The following BMP1 variants were observed in gnomAD, a reference collection of about 807,000 sequenced individuals.
BMP1 encodes bone morphogenetic protein 1.
BMP1 carries 63 observed loss-of-function variants against 116.8 expected under a neutral mutation model. The observed-to-expected ratio is 0.54, with a 90% CI of 0.44 to 0.67. BMP1 has a LOEUF of 0.67. Among genes scored for constraint, BMP1 ranks in the 30% least tolerant of loss-of-function variants. BMP1 has a pLI of 0.00. For missense variants in BMP1, 1,183 were observed against 1,358.9 expected, an observed-to-expected ratio of 0.87 and a Z score of 2.04; for synonymous variants, 536 against 533.4, an observed-to-expected ratio of 1.00 and a Z score of -0.07.
chr8:22,211,844 C>A lies in BMP1; in HGVS notation c.*116C>A. 6.7e-7 allele frequency: 1 copy of A among 1,497,304 alleles called. No homozygotes were observed. Among genetic ancestry groups the A allele is most frequent in the Non-Finnish European group, 9.1e-7 (1 of 1,096,916 alleles). The allele number at this position is 1,497,304 out of a possible 1,614,324, so 92.8% of individuals were successfully genotyped here. A position where few individuals can be genotyped will look rare whatever the true frequency, so the allele number is the denominator to read the frequency against. ...CCTCTCCCCCAGGCCCCAGGACCTGCAGGGCCAATGGCCTGGTGAGACTGT... is the reference window on the plus strand; with the variant it reads ...CCTCTCCCCCAGGCCCCAGGACCTGAAGGGCCAATGGCCTGGTGAGACTGT... On this transcript the variant is annotated 3_prime_UTR_variant, in exon 20 of 20. Coordinates refer to ENST00000306385, the MANE Select transcript of BMP1 (RefSeq NM_006129.5).
Position 22,179,074 on chromosome 8 carries a change from G to A in BMP1, c.837-631G>A, listed in dbSNP as rs1371443882. On this transcript the variant is annotated intron_variant, in intron 6 of 19. Coordinates refer to ENST00000306385, the MANE Select transcript of BMP1 (RefSeq NM_006129.5). The surrounding 1 kb of genome is among the most constrained non-coding windows in gnomAD (Gnocchi z 4.6). ...GTCAGGGGCCCTGGGGAGGTGGAGG[G>A]CTGCCTGCCTCCCCTTCACTCTGCT... is the stretch of plus-strand genomic sequence containing the variant. Among the ~76,000 whole-genome samples the A allele has an allele frequency of 6.6e-6, 1 of 152,180 alleles. No homozygotes were observed. The highest frequency in any genetic ancestry group is 1.5e-5 in the Non-Finnish European group (1 of 68,012).
intron 8 of BMP1, among the ~76,000 whole-genome samples, chr8:22,185,715 G>A (rs1037016606): frequency 2.0e-5 from 3 of 151,456 alleles, no homozygotes; most frequent in African/African-American, 4.8e-5. Flanking sequence ...TCTGCCCCCC[G>A]AGTTCAAGCA....
intron 8 of BMP1, among the ~76,000 whole-genome samples, chr8:22,191,277 T>G (rs12114940): frequency 0.39 from 59,280 of 151,942 alleles, 12,278 homozygotes; most frequent in East Asian, 0.64. Context: ...CAGCAGGAAA[T>G]GCAGAGTGGA....
At chr8:22,181,264 C>A (rs1190825602) in intron 8 of BMP1, among the ~76,000 whole-genome samples, 2 of 152,188 alleles carry the variant, frequency 1.3e-5, no homozygotes, top group African/African-American at 2.4e-5. Flanking sequence ...TGGGGAAGTA[C>A]CCAGTTCTCA....
At chr8:22,197,484 C>A in intron 15 of BMP1, 64 bp downstream of exon 15, 2 of 1,536,946 alleles carry the variant, frequency 1.3e-6, no homozygotes, top group South Asian at 1.2e-5. Context: ...CCCTTTCTCC[C>A]TGCCCCTGCA....
intron 15 of BMP1, chr8:22,201,163 T>A: frequency 6.3e-7 from 1 of 1,592,372 alleles, no homozygotes; most frequent in African/African-American, 1.4e-5. Flanking sequence ...CCCCACCAGC[T>A]CAAATTCCGA....
At chr8:22,201,508 T>G in intron 15 of BMP1, 1 of 1,400,676 alleles carries the variant, frequency 7.1e-7, no homozygotes, top group African/African-American at 1.5e-5. Flanking sequence ...TGTCTATTTT[T>G]CCACTTGTCC....
chr8:22,193,425 T>C (rs575682031), intron 9 of BMP1, among the ~76,000 whole-genome samples: 1 of 152,316 alleles, frequency 6.6e-6, no homozygotes, highest in East Asian at 1.9e-4. Context: ...TAAGAAAAGG[T>C]AAATAATGAT....
At chr8:22,190,369 A>C (rs1230854720) in intron 8 of BMP1, among the ~76,000 whole-genome samples, 1 of 152,246 alleles carries the variant, frequency 6.6e-6, no homozygotes, top group East Asian at 1.9e-4. Flanking sequence ...TGTGGAGCTA[A>C]GCTGGGTAAG....
At chr8:22,209,354 T>C in intron 18 of BMP1, 91 bp from the exon 19 acceptor site, 1 of 1,542,408 alleles carries the variant, frequency 6.5e-7, no homozygotes, top group Non-Finnish European at 8.7e-7. Flanking sequence ...CAGGCCTCCA[T>C]CCTGCCGTGA....
chr8:22,176,355 G>A (rs745980584), intron 3 of BMP1, 42 bp downstream of exon 3: 14 of 1,566,306 alleles, frequency 8.9e-6, no homozygotes, highest in Non-Finnish European at 1.2e-5. Flanking sequence ...ACCAGCTTCC[G>A]GGCCTGGCCT....
Position 22,179,651 on chromosome 8 carries a change from T to A in BMP1, c.837-54T>A. 1 of 1,608,388 alleles carries A rather than the reference T, an allele frequency of 6.2e-7. No homozygotes were observed. The highest frequency in any genetic ancestry group is 1.7e-4 in the Middle Eastern group (1 of 5,992). Reference sequence around the variant, plus strand: ...GGGTACAGATGGGCATGCCACCCACTCCCTGCCCACTGTCCATGAGACGCT... The same window carrying A: ...GGGTACAGATGGGCATGCCACCCACACCCTGCCCACTGTCCATGAGACGCT... On this transcript the variant is annotated intron_variant, in intron 6 of 19. Coordinates refer to ENST00000306385, the MANE Select transcript of BMP1 (RefSeq NM_006129.5). The surrounding 1 kb of genome is among the most constrained non-coding windows in gnomAD (Gnocchi z 4.6).
chr8:22,199,470 G>A (rs1829196197), intron 15 of BMP1: 25 of 1,175,092 alleles, frequency 2.1e-5, no homozygotes, highest in Middle Eastern at 3.9e-4. Flanking sequence ...GCTCCCAGGT[G>A]AGGCTGCCCA....
chr8:22,201,745 G>A (rs1829267456), intron 15 of BMP1, 58 bp from the exon 16 acceptor site: 2 of 1,602,390 alleles, frequency 1.2e-6, no homozygotes, highest in South Asian at 1.1e-5. Context: ...TTCCCCTGGG[G>A]CATCCCAACC....
intron 17 of BMP1, 111 bp downstream of exon 17, chr8:22,207,092 G>C: frequency 6.6e-7 from 1 of 1,521,956 alleles, no homozygotes. Flanking sequence ...ATCCCCAGGA[G>C]ACCCCAAGTC....
Position 22,177,943 on chromosome 8 carries a change from G to C in BMP1, c.822G>C (p.Arg274=). 6.2e-7 allele frequency: 1 copy of C among 1,610,920 alleles called. No individual in the cohort carries two copies. Among genetic ancestry groups the C allele is most frequent in the Non-Finnish European group, 8.5e-7 (1 of 1,177,574 alleles). ...YDFDSIMHYA[R]NTFSRGIFLD... ...TCGACAGCATCATGCATTACGCTCG[G>C]AACACATTCTCCAGGTGGGAGACGG... is the stretch of plus-strand genomic sequence containing the variant. The change falls in exon 6 of 20, where the codon CGG becomes CGC. Residue 274 remains arginine (R), a synonymous_variant. Coordinates refer to ENST00000306385, the MANE Select transcript of BMP1 (RefSeq NM_006129.5).
chr8:22,205,231 C>T lies in BMP1; in HGVS notation c.2234-1623C>T, dbSNP rs115112322. On this transcript the variant is annotated intron_variant, in intron 16 of 19. Coordinates refer to ENST00000306385, the MANE Select transcript of BMP1 (RefSeq NM_006129.5). The stretch of plus-strand genomic sequence containing the variant: ...TGAGGAGGGGGCTGGATGTTTGCAG[C>T]AGTTACTAAGGAGGTGAGAGATGGA... 2.4e-3 allele frequency among the ~76,000 whole-genome samples: 360 copies of T among 152,218 alleles called. 1 individual carries two copies. Among genetic ancestry groups the T allele is most frequent in the African/African-American group, 8.1e-3 (338 of 41,538 alleles).
intron 8 of BMP1, among the ~76,000 whole-genome samples, chr8:22,190,757 A>C (rs117798111): frequency 6.6e-6 from 1 of 152,094 alleles, no homozygotes; most frequent in South Asian, 2.1e-4. Flanking sequence ...GCCAGTGCCC[A>C]CCTTGGAATC....
Position 22,179,965 on chromosome 8 carries a change from G to A in BMP1, c.961+136G>A. On this transcript the variant is annotated intron_variant, in intron 7 of 19. Transcript: ENST00000306385. This position sits in a 1 kb window ranked among gnomAD's most constrained non-coding sequence, Gnocchi z 4.6. ...GTGTGGCGGGGGAGGGGACCCCATAGGAGGGGCAGTGTCCAAGTGAAGGAG... is the reference window on the plus strand; with the variant it reads ...GTGTGGCGGGGGAGGGGACCCCATAAGAGGGGCAGTGTCCAAGTGAAGGAG... 1 of 1,033,816 alleles carries A rather than the reference G, an allele frequency of 9.7e-7. No homozygotes were observed. Among genetic ancestry groups the A allele is most frequent in the Non-Finnish European group, 1.4e-6 (1 of 727,340 alleles). The allele number at this position is 1,033,816 out of a possible 1,614,324, so 64.0% of individuals were successfully genotyped here.
Sources: gnomAD v4.1 joint callset for allele counts (sites outside exome capture counted in the v4.1 genomes callset) on GRCh38, gnomAD v4.1.1 for gene constraint, Gnocchi (gnomAD v3.1) non-coding constraint, MANE v1.5 for transcripts, NCBI Gene and HGNC (gene_info 2026-07-23, HGNC 2026-07-21) for gene names.